Variants in ADAMTS17 observed in about 807,000 individuals in gnomAD.
ADAMTS17 encodes A disintegrin and metalloproteinase with thrombospondin motifs 17.
Under a neutral mutation model 141.5 loss-of-function variants are expected in ADAMTS17, and 113 were observed. That is an observed-to-expected ratio of 0.80 (90% CI 0.69 to 0.93). The LOEUF (loss-of-function observed/expected upper bound fraction) is 0.93, where lower values mean the gene tolerates loss of function less well. ADAMTS17 is among the 40% of genes least tolerant of loss of function. ADAMTS17 has a pLI of 0.00. For synonymous variants in ADAMTS17, 768 were observed against 630.6 expected, an observed-to-expected ratio of 1.22 and a Z score of -3.27; for missense variants, 1,659 against 1,517.9, an observed-to-expected ratio of 1.09 and a Z score of -1.54.
chr15:100,152,975 A>AAGAGAATACGTGCCTGGG (rs200941441), intron 9 of ADAMTS17, among the ~76,000 whole-genome samples: 98,854 of 151,006 alleles, frequency 0.65, 33,717 homozygotes, highest in East Asian at 0.84. Context: ...TTCGCTCTGA[A>AAGAGAATACGTGCCTGGG]GGTAGTAAGA....
intron 10 of ADAMTS17, among the ~76,000 whole-genome samples, chr15:100,149,352 A>C (rs574379833): frequency 4.7e-4 from 71 of 152,338 alleles, no homozygotes; most frequent in African/African-American, 1.6e-3. Flanking sequence ...TCAAATAATC[A>C]GTATGTCAGT....
At chr15:100,090,500 A>G (rs1024626988) in intron 15 of ADAMTS17, among the ~76,000 whole-genome samples, 10 of 152,146 alleles carry the variant, frequency 6.6e-5, no homozygotes, top group African/African-American at 1.2e-4. Context: ...ATCCACATCT[A>G]TTCTTAAGCT....
At chr15:100,162,377 G>A (rs966687816) in intron 8 of ADAMTS17, among the ~76,000 whole-genome samples, 25 of 145,346 alleles carry the variant, frequency 1.7e-4, no homozygotes, top group Admixed American at 1.6e-3. Context: ...TTATATATAT[G>A]TTATATATAT....
chr15:100,036,131 T>C (rs1428078004), intron 18 of ADAMTS17, among the ~76,000 whole-genome samples: 1 of 152,154 alleles, frequency 6.6e-6, no homozygotes, highest in Admixed American at 6.5e-5. Context: ...TAGGGCTTCT[T>C]TGTCAGAGTC....
intron 18 of ADAMTS17, among the ~76,000 whole-genome samples, chr15:100,004,120 G>A (rs540981356): frequency 9.2e-5 from 14 of 152,364 alleles, no homozygotes; most frequent in African/African-American, 3.4e-4. Context: ...TTCTTAAGCC[G>A]CAGGCAGCCG....
chr15:100,232,588 G>A (rs775891151), intron 7 of ADAMTS17, among the ~76,000 whole-genome samples: 2 of 152,218 alleles, frequency 1.3e-5, no homozygotes, highest in African/African-American at 2.4e-5. Flanking sequence ...TGATGGCAAC[G>A]AAGGTCTCAC....
intron 13 of ADAMTS17, among the ~76,000 whole-genome samples, chr15:100,114,332 C>T (rs905392399): frequency 6.6e-6 from 1 of 152,088 alleles, no homozygotes; most frequent in African/African-American, 2.4e-5. Context: ...AGGAAACGTT[C>T]CTATCACGGC....
intron 10 of ADAMTS17, among the ~76,000 whole-genome samples, chr15:100,145,112 A>G (rs959561739): frequency 7.2e-5 from 11 of 152,210 alleles, no homozygotes; most frequent in African/African-American, 1.2e-4. Context: ...AAATTTTAAG[A>G]TAAAAGATAG....
chr15:100,239,692 G>A (rs2042769470), intron 7 of ADAMTS17, among the ~76,000 whole-genome samples: 1 of 152,182 alleles, frequency 6.6e-6, no homozygotes, highest in African/African-American at 2.4e-5. Context: ...CTAGCTGCCT[G>A]GTGCTACTGG....
intron 18 of ADAMTS17, among the ~76,000 whole-genome samples, chr15:100,013,960 C>CCAATTCTT (rs2061237445): frequency 6.6e-6 from 1 of 151,894 alleles, no homozygotes; most frequent in Non-Finnish European, 1.5e-5. Flanking sequence ...CAAGGAATGG[C>CCAATTCTT]ACCAATTCTT....
intron 14 of ADAMTS17, among the ~76,000 whole-genome samples, chr15:100,108,171 TC>T (rs201886406): frequency 0.011 from 1,634 of 149,862 alleles, 23 homozygotes; most frequent in African/African-American, 0.034. Context: ...CTTCTCGCAT[TC>T]CTTTTTTTTT....
chr15:100,262,704 A>G (rs1271112133), intron 4 of ADAMTS17, among the ~76,000 whole-genome samples: 1 of 151,816 alleles, frequency 6.6e-6, no homozygotes, highest in Non-Finnish European at 1.5e-5. Context: ...TACATCTAAA[A>G]TTGTTCTAAA....
Position 100,252,947 on chromosome 15 carries a change from G to C in ADAMTS17, c.1075+1189C>G, listed in dbSNP as rs568685597. 4.6e-5 allele frequency among the ~76,000 whole-genome samples: 7 copies of C among 152,266 alleles called. No individual in the cohort carries two copies. The East Asian group carries it at 1.4e-3, about 30-fold the overall frequency. The stretch of plus-strand genomic sequence containing the variant: ...TTTGATGGATTAAGAAACCAGAGTG[G>C]AGACACATCCAAGGCCACCCAGCTG... On this transcript the variant is annotated intron_variant, in intron 7 of 21. Transcript: ENST00000268070.
intron 7 of ADAMTS17, among the ~76,000 whole-genome samples, chr15:100,244,940 G>T (rs375001168): frequency 6.6e-6 from 1 of 152,140 alleles, no homozygotes; most frequent in South Asian, 2.1e-4. Context: ...GTGTTTTCGG[G>T]GAGGGCTTTG....
chr15:100,341,012 C>A (rs766407857), intron 2 of ADAMTS17, 27 bp downstream of exon 2: 1 of 1,524,472 alleles, frequency 6.6e-7, no homozygotes, highest in South Asian at 1.2e-5. Flanking sequence ...ACCGGACGGG[C>A]CGACCCGGAG....
At chr15:100,319,398 G>A (rs1367114991) in intron 3 of ADAMTS17, among the ~76,000 whole-genome samples, 1 of 152,198 alleles carries the variant, frequency 6.6e-6, no homozygotes, top group Non-Finnish European at 1.5e-5. Flanking sequence ...GAAAGGGAGT[G>A]TGAGCTGACA....
chr15:100,244,992 T>C (rs2042943405), intron 7 of ADAMTS17, among the ~76,000 whole-genome samples: 1 of 152,096 alleles, frequency 6.6e-6, no homozygotes, highest in South Asian at 2.1e-4. Context: ...TCAGGCTGAC[T>C]CCGAATTGCA....
intron 15 of ADAMTS17, chr15:100,074,331 G>A (rs544899222): frequency 6.6e-6 from 1 of 151,898 alleles, no homozygotes. Context: ...GCGGGCTTAC[G>A]GTTATATAGA....
At chr15:99,983,641 C>T (rs1027611102) in intron 20 of ADAMTS17, among the ~76,000 whole-genome samples, 2 of 152,096 alleles carry the variant, frequency 1.3e-5, no homozygotes, top group African/African-American at 4.8e-5. Context: ...GCTCTGCTTC[C>T]TGCAGAGTGG....
Sources: allele counts gnomAD v4.1 joint callset (sites outside exome capture counted in the v4.1 genomes callset), GRCh38; gene constraint gnomAD v4.1.1; transcripts MANE v1.5; gene names NCBI Gene and HGNC (gene_info 2026-07-23, HGNC 2026-07-21).